Variants in CSDC2 observed in about 807,000 individuals in gnomAD.
CSDC2 encodes the protein cold shock domain-containing protein C2.
Under a neutral mutation model 15.8 loss-of-function variants are expected in CSDC2, and 8 were observed. The ratio of observed to expected loss-of-function variants is 0.51; its 90% CI spans 0.30 to 0.92. The LOEUF (loss-of-function observed/expected upper bound fraction) is 0.92, where lower values mean the gene tolerates loss of function less well. Ranked by LOEUF, CSDC2 falls within the 40% of genes least tolerant of loss-of-function variation. The pLI is 0.07. For missense variants in CSDC2, 195 were observed against 213.3 expected (o/e 0.91, Z 0.53); for synonymous variants, 96 against 92.3 (o/e 1.04, Z -0.23).
Position 41,573,231 on chromosome 22 carries a change from T to C in CSDC2, c.177-424T>C, listed in dbSNP as rs866952254. Among the ~76,000 whole-genome samples, 26 of 152,116 alleles carry C rather than the reference T, an allele frequency of 1.7e-4. No homozygotes were observed. In the East Asian group the frequency reaches 3.3e-3, roughly 19 times the overall value. On this transcript the variant is annotated intron_variant, in intron 2 of 3. Coordinates refer to ENST00000306149, the MANE Select transcript of CSDC2 (RefSeq NM_014460.4). Reference sequence around the variant, plus strand: ...TTAGCTGGGTGTGGTGGTGGGTGCCTGTAATCCCAGCTACTCAGGAGGCTG... The same window carrying C: ...TTAGCTGGGTGTGGTGGTGGGTGCCCGTAATCCCAGCTACTCAGGAGGCTG...
Position 41,571,978 on chromosome 22 carries a change from T to C in CSDC2, c.13T>C (p.Ser5Pro). MTSE[S>P]TSPPVVPPLH... ...TGCTGGCCCCACCATGACTTCAGAG[T>C]CGACGTCACCCCCAGTTGTGCCCCC... Residue 5 changes from serine (S) to proline (P), a missense_variant, in exon 2 of 4, where the codon TCG becomes CCG. By Grantham distance (74) the Ser-to-Pro change is moderately conservative. Transcript: ENST00000306149. The C allele has an allele frequency of 7.4e-7, 1 of 1,344,018 alleles. No homozygotes were observed. Among genetic ancestry groups the C allele is most frequent in the Non-Finnish European group, 9.6e-7 (1 of 1,044,902 alleles). The allele number at this position is 1,344,018 out of a possible 1,614,324, so 83.3% of individuals were successfully genotyped here. A position where few individuals can be genotyped will look rare whatever the true frequency, so the allele number is the denominator to read the frequency against.
At chr22:41,561,469 T>C (rs866213360) in intron 1 of CSDC2, among the ~76,000 whole-genome samples, 3 of 152,276 alleles carry the variant, frequency 2.0e-5, no homozygotes, top group Middle Eastern at 3.4e-3. Flanking sequence ...GAGCAGCAGA[T>C]ACCTGCCAAG....
rs1278570982 is a variant in CSDC2, at chr22:41,574,960, C to T, written c.*65C>T. On this transcript the variant is annotated 3_prime_UTR_variant, in exon 4 of 4. Transcript: ENST00000306149. Reference sequence around the variant, plus strand: ...GCCACACAGGGTGAACGGGCAGCAGCCGGCTCCATGCCCCACTGCCCTGGC... The same window carrying T: ...GCCACACAGGGTGAACGGGCAGCAGTCGGCTCCATGCCCCACTGCCCTGGC... The T allele has an allele frequency of 3.3e-6, 5 of 1,514,692 alleles. No individual in the cohort carries two copies. Among genetic ancestry groups the T allele is most frequent in the African/African-American group, 1.4e-5 (1 of 72,564 alleles). The allele number at this position is 1,514,692 out of a possible 1,614,324, so 93.8% of individuals were successfully genotyped here.
intron 1 of CSDC2, among the ~76,000 whole-genome samples, chr22:41,569,395 C>T (rs984554934): frequency 6.6e-6 from 1 of 152,198 alleles, no homozygotes; most frequent in African/African-American, 2.4e-5. Context: ...TTTCCATTCC[C>T]CAAAAAGAAA....
Position 41,573,746 on chromosome 22 carries a change from G to C in CSDC2, c.268G>C (p.Gly90Arg). ...QGHGFITPEN[G>R]SEDIFVHVSD... ...CCATGGCTTCATCACCCCCGAGAAC[G>C]GGTCCGAGGACATCTTCGTACATGT... is the stretch of plus-strand genomic sequence containing the variant. Residue 90 changes from glycine (G) to arginine (R), a missense_variant, in exon 3 of 4, where the codon GGG (glycine) becomes CGG (arginine). Gly to Arg is a moderately radical substitution (Grantham distance 125, BLOSUM62 -2). Transcript: ENST00000306149. 5.0e-6 allele frequency: 8 copies of C among 1,613,604 alleles called. No individual in the cohort carries two copies. Among genetic ancestry groups the C allele is most frequent in the Non-Finnish European group, 6.8e-6 (8 of 1,179,764 alleles).
rs1279323751 is a variant in CSDC2, at chr22:41,563,977, G to T, written c.-124+2794G>T. ...CGGGCACCTGTATTCCCAGCTACTC[G>T]GGAGGCTGAGCCAGGAGAATGGCGG... On this transcript the variant is annotated intron_variant, in intron 1 of 3. Coordinates refer to ENST00000306149, the MANE Select transcript of CSDC2 (RefSeq NM_014460.4). Among the ~76,000 whole-genome samples, 4 of 150,754 alleles carry T rather than the reference G, an allele frequency of 2.7e-5. No homozygotes were observed. In the East Asian group the frequency reaches 8.0e-4, roughly 30 times the overall value.
chr22:41,568,330 C>CTGCAT (rs765974311), intron 1 of CSDC2, among the ~76,000 whole-genome samples: 24 of 152,044 alleles, frequency 1.6e-4, no homozygotes, highest in Non-Finnish European at 3.2e-4. Context: ...GTCCCCCAGG[C>CTGCAT]TGCACTGCAG....
At position 41,574,811 on chromosome 22, in the gene CSDC2, G is replaced by T. The variant is rs1167181661; in HGVS notation, c.378G>T (p.Lys126Asn). Residue 126 changes from lysine (K) to asparagine (N), a missense_variant, in exon 4 of 4, where the codon AAG becomes AAT. Physicochemically the swap from Lys to Asn is moderately conservative, Grantham distance 94. Coordinates refer to ENST00000306149, the MANE Select transcript of CSDC2 (RefSeq NM_014460.4). ...GCCCTATCCCTCCCAAGAACCAGAA[G>T]TTCCAGGCCGTGGAGGTGGTGCTCA... ...KMCPIPPKNQ[K>N]FQAVEVVLTQ... 2 of 1,613,682 alleles carry T rather than the reference G, an allele frequency of 1.2e-6. No homozygotes were observed. The highest frequency in any genetic ancestry group is 2.2e-5 in the East Asian group (1 of 44,872).
intron 1 of CSDC2, among the ~76,000 whole-genome samples, chr22:41,565,963 G>A (rs2067111632): frequency 6.6e-6 from 1 of 152,134 alleles, no homozygotes; most frequent in Admixed American, 6.6e-5. Context: ...AACCTGGGTA[G>A]GATGTTATGA....
chr22:41,566,743 C>T (rs1426626694), intron 1 of CSDC2, among the ~76,000 whole-genome samples: 3 of 150,520 alleles, frequency 2.0e-5, no homozygotes, highest in Non-Finnish European at 4.4e-5. Context: ...ATCGAGACCA[C>T]AGTGAAACCC....
chr22:41,574,297 G>A (rs59397311), intron 3 of CSDC2, among the ~76,000 whole-genome samples: 6,047 of 152,166 alleles, frequency 0.04, 265 homozygotes, highest in African/African-American at 0.093. Flanking sequence ...AGGGAGTCTC[G>A]CTCTGTCGCC....
At chr22:41,570,337 T>G (rs576178179) in intron 1 of CSDC2, among the ~76,000 whole-genome samples, 1 of 152,274 alleles carries the variant, frequency 6.6e-6, no homozygotes, top group Non-Finnish European at 1.5e-5. Flanking sequence ...CAGAGCCAGC[T>G]CAGCATCTTG....
At chr22:41,572,933 T>G (rs544771918) in intron 2 of CSDC2, among the ~76,000 whole-genome samples, 1 of 152,292 alleles carries the variant, frequency 6.6e-6, no homozygotes, top group African/African-American at 2.4e-5. Context: ...TGGAGTGCAG[T>G]GGTGCAGTCA....
At chr22:41,564,785 C>G (rs1030211829) in intron 1 of CSDC2, among the ~76,000 whole-genome samples, 40 of 152,214 alleles carry the variant, frequency 2.6e-4, no homozygotes, top group African/African-American at 8.9e-4. Flanking sequence ...CAGAGAGGAG[C>G]AGGTGCCTGC....
In CSDC2 at chr22:41,573,792, C is replaced by T. The variant is rs771317041; in HGVS notation, c.299+15C>T. The stretch of plus-strand genomic sequence containing the variant: ...CATGTGTCTGAGTGAGTCCCCTCCA[C>T]CTCCCTGTTCTTGGCCCCTGCCCTA... On this transcript the variant is annotated intron_variant, in intron 3 of 3. Transcript: ENST00000306149. 3 of 1,607,026 alleles carry T rather than the reference C, an allele frequency of 1.9e-6. No homozygotes were observed. The highest frequency in any genetic ancestry group is 2.6e-6 in the Non-Finnish European group (3 of 1,175,232).
intron 1 of CSDC2, among the ~76,000 whole-genome samples, chr22:41,561,956 C>T (rs939981968): frequency 2.0e-5 from 3 of 152,166 alleles, no homozygotes; most frequent in African/African-American, 7.2e-5. Context: ...GGAGTCCAGG[C>T]GGAGATAAGG....
At chr22:41,571,567 C>T (rs1292992657) in intron 1 of CSDC2, among the ~76,000 whole-genome samples, 1 of 152,148 alleles carries the variant, frequency 6.6e-6, no homozygotes, top group East Asian at 1.9e-4. Context: ...GACCCTTATG[C>T]CGAACCATAT....
chr22:41,567,539 G>T (rs555167153), intron 1 of CSDC2, among the ~76,000 whole-genome samples: 3 of 152,360 alleles, frequency 2.0e-5, no homozygotes, highest in African/African-American at 7.2e-5. Flanking sequence ...GGGTTGCTCC[G>T]TATCTCCATC....
chr22:41,575,102 A>G lies in CSDC2; in HGVS notation c.*207A>G. On this transcript the variant is annotated 3_prime_UTR_variant, in exon 4 of 4. Transcript: ENST00000306149. ...GTGACTACTGTGCAAGCTGGCCAGG[A>G]GGTAGGTGGAGGGCAAGGCCACCAG... The G allele has an allele frequency of 3.1e-6, 2 of 641,640 alleles. No individual in the cohort carries two copies. Among genetic ancestry groups the G allele is most frequent in the Non-Finnish European group, 5.3e-6 (2 of 378,694 alleles). The allele number at this position is 641,640 out of a possible 1,614,324, so 39.7% of individuals were successfully genotyped here.
Sources: allele counts gnomAD v4.1 joint callset (sites outside exome capture counted in the v4.1 genomes callset), GRCh38; gene constraint gnomAD v4.1.1; transcripts MANE v1.5; gene names NCBI Gene and HGNC (gene_info 2026-07-23, HGNC 2026-07-21).